The following PAX5 variants were observed in gnomAD, a reference collection of about 807,000 sequenced individuals.
The protein encoded by PAX5 is paired box protein Pax-5.
A neutral mutation model predicts 43.7 loss-of-function variants in PAX5; 9 were observed. The ratio of observed to expected loss-of-function variants is 0.21; its 90% CI spans 0.12 to 0.36. The LOEUF (loss-of-function observed/expected upper bound fraction) is 0.36. Among genes scored for constraint, PAX5 ranks in the 10% least tolerant of loss-of-function variants. The pLI is 1.00. For synonymous variants in PAX5, 228 were observed against 214.3 expected (o/e 1.06, Z -0.56); for missense variants, 383 against 532.7 (o/e 0.72, Z 2.77).
chr9:37,015,722 G>A lies in PAX5; in HGVS notation c.213-528C>T, dbSNP rs1402431198. ...AGCCTCCCGAGTAGCTGGGATTACAGGCATGTGCCACCATGCCCAGCTAAT... is the reference window on the plus strand; with the variant it reads ...AGCCTCCCGAGTAGCTGGGATTACAAGCATGTGCCACCATGCCCAGCTAAT... On this transcript the variant is annotated intron_variant, in intron 2 of 9. Coordinates refer to ENST00000358127, the MANE Select transcript of PAX5 (RefSeq NM_016734.3). The surrounding 1 kb of genome is among the most constrained non-coding windows in gnomAD (Gnocchi z 4.4). Among the ~76,000 whole-genome samples, 1 of 152,052 alleles carries A rather than the reference G, an allele frequency of 6.6e-6. No individual in the cohort carries two copies. Among genetic ancestry groups the A allele is most frequent in the African/African-American group, 2.4e-5 (1 of 41,396 alleles).
At chr9:36,914,635 C>T (rs1429357693) in intron 7 of PAX5, among the ~76,000 whole-genome samples, 3 of 152,214 alleles carry the variant, frequency 2.0e-5, no homozygotes, top group Admixed American at 6.5e-5. Context: ...GACAGACCTA[C>T]ATTCTTAATG....
intron 8 of PAX5, among the ~76,000 whole-genome samples, chr9:36,877,495 C>A: frequency 6.6e-6 from 1 of 152,304 alleles, no homozygotes; most frequent in East Asian, 1.9e-4. Context: ...ACAGATCTCA[C>A]AGTGAAACAG....
At chr9:36,840,798 G>T (rs1031718809) in intron 9 of PAX5, among the ~76,000 whole-genome samples, 162 bp from the exon 10 acceptor site, 4 of 152,130 alleles carry the variant, frequency 2.6e-5, no homozygotes, top group Non-Finnish European at 5.9e-5. Flanking sequence ...TCCCATCAGG[G>T]CCACAACCTG....
chr9:36,983,445 A>C (rs891640601), intron 5 of PAX5, among the ~76,000 whole-genome samples: 2 of 152,196 alleles, frequency 1.3e-5, no homozygotes, highest in Non-Finnish European at 2.9e-5. Context: ...AAAATATATC[A>C]TTTTATTATG....
intron 6 of PAX5, among the ~76,000 whole-genome samples, chr9:36,938,994 C>T (rs1681776687): frequency 6.6e-6 from 1 of 152,198 alleles, no homozygotes; most frequent in South Asian, 2.1e-4. Context: ...CTTCTCTCCC[C>T]ATTAATTTTA....
At position 36,838,883 on chromosome 9, in the gene PAX5, G is replaced by A; in HGVS notation, c.*1677C>T. 4.3e-6 allele frequency: 1 copy of A among 233,330 alleles called. No homozygotes were observed. The allele number at this position is 233,330 out of a possible 1,614,324, so 14.5% of individuals were successfully genotyped here. ...GTCCCACAGCAAAGACATGTGGCCAGGACCAGGACAAGACCTGCCTGGCCT... is the reference window on the plus strand; with the variant it reads ...GTCCCACAGCAAAGACATGTGGCCAAGACCAGGACAAGACCTGCCTGGCCT... On this transcript the variant is annotated 3_prime_UTR_variant, in exon 10 of 10. Coordinates refer to ENST00000358127, the MANE Select transcript of PAX5 (RefSeq NM_016734.3).
chr9:36,963,732 C>G (rs1834169189), intron 6 of PAX5, among the ~76,000 whole-genome samples: 1 of 152,208 alleles, frequency 6.6e-6, no homozygotes, highest in Non-Finnish European at 1.5e-5. Context: ...TCTGAGTCTC[C>G]ATGACGGTCA....
At chr9:37,031,564 G>T (rs2132574161) in intron 1 of PAX5, among the ~76,000 whole-genome samples, 1 of 152,278 alleles carries the variant, frequency 6.6e-6, no homozygotes, top group East Asian at 1.9e-4. Flanking sequence ...TCCATGGAGA[G>T]AGGGGGGAAT....
chr9:36,916,634 G>T (rs1360719281), intron 7 of PAX5, among the ~76,000 whole-genome samples: 1 of 150,152 alleles, frequency 6.7e-6, no homozygotes, highest in African/African-American at 2.4e-5. Flanking sequence ...TCCCAGGTGA[G>T]ATATATATAT....
chr9:36,835,247 C>T lies in PAX5; in HGVS notation c.*5313G>A. 1 of 233,174 alleles carries T rather than the reference C, an allele frequency of 4.3e-6. No individual in the cohort carries two copies. Among genetic ancestry groups the T allele is most frequent in the East Asian group, 6.0e-5 (1 of 16,566 alleles). 14.4% of individuals were successfully genotyped at this position (233,174 alleles called of 1,614,324 possible). ...CCCTTGGATTGAAACTCTAGAATGG[C>T]AGTGACATGATTCTGAGGTTCCCTT... On this transcript the variant is annotated 3_prime_UTR_variant, in exon 10 of 10. Transcript: ENST00000358127.
rs562022805 is a variant in PAX5 at position 37,021,532 on chromosome 9, A to G, written c.47-731T>C. 4.4e-3 allele frequency among the ~76,000 whole-genome samples: 673 copies of G among 152,300 alleles called. 6 individuals are homozygous for G. Among genetic ancestry groups the G allele is most frequent in the African/African-American group, 0.015 (633 of 41,562 alleles). On this transcript the variant is annotated intron_variant, in intron 1 of 9. Coordinates refer to ENST00000358127, the MANE Select transcript of PAX5 (RefSeq NM_016734.3). ...TTTGTTATAAAGGAGTTTCCCTGGA[A>G]TTTTTACAATGTTTTGCAATTGACA...
chr9:36,980,100 G>A (rs1835783515), intron 5 of PAX5, among the ~76,000 whole-genome samples: 1 of 152,222 alleles, frequency 6.6e-6, no homozygotes, highest in Middle Eastern at 3.2e-3. Flanking sequence ...GCACTGCTAT[G>A]GTTCCTTCGT....
chr9:36,851,415 C>T (rs1254282010), intron 8 of PAX5, among the ~76,000 whole-genome samples: 2 of 152,052 alleles, frequency 1.3e-5, no homozygotes, highest in African/African-American at 4.8e-5. Flanking sequence ...ACTCAAATGC[C>T]TTGGATGGCC....
chr9:36,934,358 A>G (rs1831377922), intron 6 of PAX5, among the ~76,000 whole-genome samples: 1 of 152,210 alleles, frequency 6.6e-6, no homozygotes, highest in Non-Finnish European at 1.5e-5. Context: ...ATACTTTGAA[A>G]ATGTCTACTG....
At position 36,839,272 on chromosome 9, in the gene PAX5, T is replaced by A. The variant is rs1277519717; in HGVS notation, c.*1288A>T. 1.7e-5 allele frequency: 4 copies of A among 233,448 alleles called. No homozygotes were observed. The East Asian group carries it at 2.4e-4, about 14-fold the overall frequency. 14.5% of individuals were successfully genotyped at this position (233,448 alleles called of 1,614,324 possible). A position where few individuals can be genotyped will look rare whatever the true frequency, so the allele number is the denominator to read the frequency against. The stretch of plus-strand genomic sequence containing the variant: ...CACAGTGAGTTCTCCAAGCTCCCTC[T>A]CCAAGTTCCCGTGGCCCTTGGCCGT... On this transcript the variant is annotated 3_prime_UTR_variant, in exon 10 of 10. Transcript: ENST00000358127.
rs369420158 is a variant in PAX5 at position 36,862,581 on chromosome 9, C to G, written c.1013-15652G>C. On this transcript the variant is annotated intron_variant, in intron 8 of 9. Coordinates refer to ENST00000358127, the MANE Select transcript of PAX5 (RefSeq NM_016734.3). ...CATGCTATGACCCCCAATAAACAAA[C>G]CAAAAAGAAGATGGAAAGGAAAAGC... 1.7e-4 allele frequency among the ~76,000 whole-genome samples: 26 copies of G among 152,188 alleles called. No homozygotes were observed. In the East Asian group the frequency reaches 4.4e-3, roughly 26 times the overall value.
At chr9:37,025,655 C>G (rs1261585544) in intron 1 of PAX5, among the ~76,000 whole-genome samples, 1 of 152,198 alleles carries the variant, frequency 6.6e-6, no homozygotes, top group East Asian at 1.9e-4. Flanking sequence ...GTGAGAGGAG[C>G]GCTCATCTCA....
At chr9:36,873,433 G>C (rs7026985) in intron 8 of PAX5, among the ~76,000 whole-genome samples, 2 of 152,084 alleles carry the variant, frequency 1.3e-5, no homozygotes, top group Admixed American at 1.3e-4. Flanking sequence ...GGTCAAGTCT[G>C]TGTTCCTGCT....
intron 6 of PAX5, among the ~76,000 whole-genome samples, chr9:36,938,151 G>T (rs1831721023): frequency 6.6e-6 from 1 of 152,016 alleles, no homozygotes; most frequent in South Asian, 2.1e-4. Context: ...TTTTTATCAG[G>T]GTTAACTTTA....
Sources: allele counts gnomAD v4.1 joint callset (sites outside exome capture counted in the v4.1 genomes callset), GRCh38; gene constraint gnomAD v4.1.1; non-coding constraint Gnocchi (gnomAD v3.1); transcripts MANE v1.5; gene names NCBI Gene and HGNC (gene_info 2026-07-23, HGNC 2026-07-21).